Variants in PCDHGB6 observed in about 807,000 individuals in gnomAD.
The protein encoded by PCDHGB6 is protocadherin gamma subfamily B, 6.
Under a neutral mutation model 59.1 loss-of-function variants are expected in PCDHGB6, and 51 were observed. The ratio of observed to expected loss-of-function variants is 0.86; its 90% confidence interval spans 0.69 to 1.09. PCDHGB6 has a LOEUF of 1.09. PCDHGB6 is among the 50% of genes least tolerant of loss of function. The pLI, the probability that PCDHGB6 is intolerant of heterozygous loss-of-function variation, is 0.00. For synonymous variants in PCDHGB6, 466 were observed against 495.1 expected (o/e 0.94, Z 0.78); for missense variants, 1,148 against 1,205.1 (o/e 0.95, Z 0.70).
rs1239244343 is a variant in PCDHGB6 at position 141,410,121 on chromosome 5, A to G, written c.1919A>G (p.Gln640Arg). The G allele has an allele frequency of 1.9e-6, 3 of 1,612,642 alleles. No homozygotes were observed. The highest frequency in any genetic ancestry group is 2.5e-6 in the Non-Finnish European group (3 of 1,179,654). The change falls in exon 1 of 4, where the codon CAG becomes CGG. Residue 640 changes from glutamine to arginine, a missense_variant. This residue lies in a region of PCDHGB6 where 549 missense variants were observed against 527.5 expected (regional missense o/e 1.04). Transcript: ENST00000520790. ...RALGDRDAAR[Q>R]RLLVAVRDGG... ...TTAGGCGACAGGGACGCAGCCCGCC[A>G]GCGCCTGCTGGTCGCTGTGCGTGAC...
intron 3 of PCDHGB6, among the ~76,000 whole-genome samples, chr5:141,506,948 G>A (rs949082646): frequency 6.6e-6 from 1 of 152,162 alleles, no homozygotes; most frequent in Non-Finnish European, 1.5e-5. Flanking sequence ...TCCTGTCAAT[G>A]AATCCTCTCA....
rs868032463 is a variant in PCDHGB6 at position 141,408,144 on chromosome 5, G to A, written c.-59G>A. On this transcript the variant is annotated 5_prime_UTR_variant, in exon 1 of 4. Coordinates refer to ENST00000520790, the MANE Select transcript of PCDHGB6 (RefSeq NM_018926.3). ...CCTGGGCCGAATGCTCTTTTAGCGC[G>A]GTAGAGTGCACTTTCTCCAACTGGA... is the stretch of plus-strand genomic sequence containing the variant. 1 of 1,496,186 alleles carries A rather than the reference G, an allele frequency of 6.7e-7. No individual in the cohort carries two copies. The highest frequency in any genetic ancestry group is 8.9e-7 in the Non-Finnish European group (1 of 1,120,198). The allele number at this position is 1,496,186 out of a possible 1,614,324, so 92.7% of individuals were successfully genotyped here. A position where few individuals can be genotyped will look rare whatever the true frequency, so the allele number is the denominator to read the frequency against.
chr5:141,505,371 C>T (rs2099845827), intron 2 of PCDHGB6, 22 bp from the exon 3 acceptor site: 4 of 1,613,980 alleles, frequency 2.5e-6, no homozygotes, highest in Non-Finnish European at 3.4e-6. Context: ...AGTCTGTGCT[C>T]ACCATCCTAC....
intron 1 of PCDHGB6, chr5:141,478,025 A>G (rs939969624): frequency 1.9e-6 from 3 of 1,614,146 alleles, no homozygotes; most frequent in Non-Finnish European, 2.5e-6. Flanking sequence ...AGTCCAAGAC[A>G]CAGATTCACC....
At position 141,477,811 on chromosome 5, in the gene PCDHGB6, C is replaced by A. The variant is rs1211574518; in HGVS notation, c.2419-16996C>A. 1 of 1,614,046 alleles carries A rather than the reference C, an allele frequency of 6.2e-7. No individual in the cohort carries two copies. Among genetic ancestry groups the A allele is most frequent in the Non-Finnish European group, 8.5e-7 (1 of 1,180,034 alleles). On this transcript the variant is annotated intron_variant, in intron 1 of 3. Transcript: ENST00000520790. This position sits in a 1 kb window ranked among gnomAD's most constrained non-coding sequence, Gnocchi z 4.9. ...TCACTGATCGCAATGACAATGCCCC[C>A]CAGGTCCTATATCCTCGGCCAGGTG...
At chr5:141,469,312 C>T (rs1387258560) in intron 1 of PCDHGB6, among the ~76,000 whole-genome samples, 2 of 152,064 alleles carry the variant, frequency 1.3e-5, no homozygotes, top group Non-Finnish European at 2.9e-5. Flanking sequence ...CACGATGGCT[C>T]ACGCCTGTAA....
intron 1 of PCDHGB6, chr5:141,478,111 A>G (rs2099430294): frequency 1.2e-6 from 2 of 1,613,982 alleles, no homozygotes; most frequent in Admixed American, 1.7e-5. Context: ...TCACTGTGTC[A>G]GTAACCGAGG....
rs1384790784 is a variant in PCDHGB6, at chr5:141,431,800, G to T, written c.2418+21180G>T. 1 of 1,614,206 alleles carries T rather than the reference G, an allele frequency of 6.2e-7. No individual in the cohort carries two copies. Among genetic ancestry groups the T allele is most frequent in the African/African-American group, 1.3e-5 (1 of 75,054 alleles). ...ACGTGAACGACAATGCCCCAGAAGT[G>T]GTCCTCACCTCTCTCGCCAGCTCGG... On this transcript the variant is annotated intron_variant, in intron 1 of 3. Transcript: ENST00000520790. This position sits in a 1 kb window ranked among gnomAD's most constrained non-coding sequence, Gnocchi z 4.8.
Position 141,432,492 on chromosome 5 carries a change from C to G in PCDHGB6, c.2418+21872C>G. The G allele has an allele frequency of 6.2e-7, 1 of 1,614,168 alleles. No individual in the cohort carries two copies. The highest frequency in any genetic ancestry group is 8.5e-7 in the Non-Finnish European group (1 of 1,180,040). On this transcript the variant is annotated intron_variant, in intron 1 of 3. Transcript: ENST00000520790. This position sits in a 1 kb window ranked among gnomAD's most constrained non-coding sequence, Gnocchi z 6.0. Reference sequence around the variant, plus strand: ...GACGGTTCCACTGGCGTGGAGCTGGCTCCCCGCTCCGCAGAGCCCGGCTAC... The same window carrying G: ...GACGGTTCCACTGGCGTGGAGCTGGGTCCCCGCTCCGCAGAGCCCGGCTAC...
At chr5:141,419,325 A>C in intron 1 of PCDHGB6, 1 of 1,613,702 alleles carries the variant, frequency 6.2e-7, no homozygotes, top group African/African-American at 1.3e-5. Flanking sequence ...CGTGTCTCCT[A>C]CTCTCTCATT....
At chr5:141,423,837 A>G (rs73792199) in intron 1 of PCDHGB6, 16,285 of 1,277,458 alleles carry the variant, frequency 0.013, 610 homozygotes, top group African/African-American at 0.098. Context: ...TGAGATTACG[A>G]TAATCTTTCA....
chr5:141,452,525 G>A (rs1227647193), intron 1 of PCDHGB6, among the ~76,000 whole-genome samples: 3 of 152,126 alleles, frequency 2.0e-5, no homozygotes, highest in Admixed American at 6.5e-5. Flanking sequence ...CCTCAAAATC[G>A]TGAGTTCATA....
At chr5:141,453,058 G>C (rs2098754889) in intron 1 of PCDHGB6, among the ~76,000 whole-genome samples, 2 of 152,076 alleles carry the variant, frequency 1.3e-5, no homozygotes, top group Admixed American at 1.3e-4. Flanking sequence ...TGCAGTTTTA[G>C]AGTTTTGCCA....
At chr5:141,414,043 G>A in intron 1 of PCDHGB6, 1 of 1,611,348 alleles carries the variant, frequency 6.2e-7, no homozygotes, top group Non-Finnish European at 8.5e-7. Context: ...AAAATTACCT[G>A]ACACGCAATT....
At chr5:141,412,273 C>T (rs1007252273) in intron 1 of PCDHGB6, 4 of 152,206 alleles carry the variant, frequency 2.6e-5, no homozygotes, top group Admixed American at 6.5e-5. Flanking sequence ...ACTTTTAGTA[C>T]TTCAAATTCT....
intron 1 of PCDHGB6, among the ~76,000 whole-genome samples, chr5:141,482,530 CAAAA>C (rs3074545): frequency 9.1e-5 from 7 of 76,540 alleles, no homozygotes; most frequent in South Asian, 4.6e-4. Flanking sequence ...GACAGACATG[CAAAA>C]AAAAAAAAAA....
At chr5:141,510,863 A>G in intron 3 of PCDHGB6, 84 bp from the exon 4 acceptor site, 1 of 1,607,492 alleles carries the variant, frequency 6.2e-7, no homozygotes, top group African/African-American at 1.3e-5. Flanking sequence ...CTGTATAGGC[A>G]TTCATTAACT....
chr5:141,413,842 G>C, intron 1 of PCDHGB6: 1 of 1,613,294 alleles, frequency 6.2e-7, no homozygotes, highest in Non-Finnish European at 8.5e-7. Flanking sequence ...CGACGGGGGT[G>C]ACCCTCTCCG....
chr5:141,471,017 A>G (rs989277146), intron 1 of PCDHGB6, among the ~76,000 whole-genome samples: 3 of 143,850 alleles, frequency 2.1e-5, no homozygotes, highest in African/African-American at 7.8e-5. Context: ...GTGCCTGGTC[A>G]ATCATTTTTA....
Sources: allele counts gnomAD v4.1 joint callset (sites outside exome capture counted in the v4.1 genomes callset), GRCh38; gene constraint gnomAD v4.1.1; regional missense constraint gnomAD v4.1.1; non-coding constraint Gnocchi (gnomAD v3.1); transcripts MANE v1.5; gene names NCBI Gene and HGNC (gene_info 2026-07-23, HGNC 2026-07-21).